Variants in TRIM6 observed in about 807,000 individuals in gnomAD.
The protein encoded by TRIM6 is tripartite motif-containing protein 6.
Under a neutral mutation model 51.2 loss-of-function variants are expected in TRIM6, and 43 were observed. That is an observed-to-expected ratio of 0.84 (90% confidence interval 0.66 to 1.08). The LOEUF (loss-of-function observed/expected upper bound fraction) is 1.08, where lower values mean the gene tolerates loss of function less well. TRIM6 is among the 50% of genes least tolerant of loss of function. The pLI is 0.00. For missense variants in TRIM6, 669 were observed against 619.0 expected (o/e 1.08, Z -0.86); for synonymous variants, 215 against 232.4 (o/e 0.93, Z 0.68).
chr11:5,607,754 A>G (rs1848312011), intron 4 of TRIM6, among the ~76,000 whole-genome samples: 1 of 152,196 alleles, frequency 6.6e-6, no homozygotes, highest in Non-Finnish European at 1.5e-5. Flanking sequence ...GTAGGATGGA[A>G]GGGAGACAAG....
chr11:5,610,122 C>G (rs768475730), intron 5 of TRIM6, 23 bp from the exon 6 acceptor site: 4 of 1,613,440 alleles, frequency 2.5e-6, no homozygotes, highest in East Asian at 2.2e-5. Context: ...AGTGTGGGAA[C>G]TCAGAAGTCC....
chr11:5,608,400 T>G lies in TRIM6; in HGVS notation c.857+6T>G. On this transcript the variant is annotated splice_donor_region_variant and intron_variant, in intron 5 of 7. Coordinates refer to ENST00000380097, the MANE Select transcript of TRIM6 (RefSeq NM_001003818.3). The stretch of plus-strand genomic sequence containing the variant: ...GTGAGTGATGTCACAGAAAGGTATG[T>G]GTAAGGAGAACATGAGGTAGTTCCC... The G allele has an allele frequency of 6.2e-7, 1 of 1,613,702 alleles. No individual in the cohort carries two copies. Among genetic ancestry groups the G allele is most frequent in the Non-Finnish European group, 8.5e-7 (1 of 1,179,770 alleles).
chr11:5,604,700 G>A, intron 3 of TRIM6, 71 bp downstream of exon 3: 3 of 1,512,862 alleles, frequency 2.0e-6, no homozygotes. Context: ...GAGGGCAAAG[G>A]AGTCCTTGTC....
At position 5,611,469 on chromosome 11, in the gene TRIM6, T is replaced by G; in HGVS notation, c.*127T>G. The stretch of plus-strand genomic sequence containing the variant: ...GTTGTTTTTTGGTTTTTGAATCTTT[T>G]TTGAGATGGAATCTCGCTCTGTCGC... On this transcript the variant is annotated 3_prime_UTR_variant, in exon 8 of 8. Coordinates refer to ENST00000380097, the MANE Select transcript of TRIM6 (RefSeq NM_001003818.3). 2 of 889,490 alleles carry G rather than the reference T, an allele frequency of 2.2e-6. No homozygotes were observed. Among genetic ancestry groups the G allele is most frequent in the Non-Finnish European group, 3.5e-6 (2 of 575,722 alleles). 55.1% of individuals were successfully genotyped at this position (889,490 alleles called of 1,614,324 possible).
At chr11:5,603,183 A>G in intron 1 of TRIM6, 63 bp from the exon 2 acceptor site, 1 of 1,559,434 alleles carries the variant, frequency 6.4e-7, no homozygotes, top group Non-Finnish European at 8.7e-7. Flanking sequence ...CTGGGCAGTC[A>G]GTATTCCCTT....
intron 1 of TRIM6, among the ~76,000 whole-genome samples, chr11:5,597,731 A>G (rs1847560849): frequency 6.6e-6 from 1 of 152,180 alleles, no homozygotes; most frequent in Non-Finnish European, 1.5e-5. Context: ...TTTTATTCTG[A>G]AAGCCATTTT....
rs934320330 is a variant in TRIM6 at position 5,611,875 on chromosome 11, A to G, written c.*533A>G. 1.3e-5 allele frequency: 2 copies of G among 152,764 alleles called. No individual in the cohort carries two copies. Among genetic ancestry groups the G allele is most frequent in the African/African-American group, 4.8e-5 (2 of 41,584 alleles). The allele number at this position is 152,764 out of a possible 1,614,324, so 9.5% of individuals were successfully genotyped here. On this transcript the variant is annotated 3_prime_UTR_variant, in exon 8 of 8. Coordinates refer to ENST00000380097, the MANE Select transcript of TRIM6 (RefSeq NM_001003818.3). ...CGCTTTCAGTATTTTGCCATTAAGCATAGTATTTGATGCAGGTTTTTTTTG... is the reference window on the plus strand; with the variant it reads ...CGCTTTCAGTATTTTGCCATTAAGCGTAGTATTTGATGCAGGTTTTTTTTG...
chr11:5,611,247 ACTTTCTCTAAATATTACTTTCCCACTACT>A lies in TRIM6; in HGVS notation c.1461_1489del (p.Phe487LeufsTer5). Reference sequence around the variant, plus strand: ...CACAAACCATGGCTTCCCCATCTACACTTTCTCTAAATATTACTTTCCCACTACTCTTTGTCCATATTTTAATCCTTGCA... The same window carrying A: ...CACAAACCATGGCTTCCCCATCTACACTTTGTCCATATTTTAATCCTTGCA... On this transcript the variant is annotated frameshift_variant, in exon 8 of 8. Coordinates refer to ENST00000380097, the MANE Select transcript of TRIM6 (RefSeq NM_001003818.3). LOFTEE classifies it high-confidence loss of function. 13 of 1,613,928 alleles carry A rather than the reference ACTTTCTCTAAATATTACTTTCCCACTACT, an allele frequency of 8.1e-6. No individual in the cohort carries two copies. Among genetic ancestry groups the A allele is most frequent in the Non-Finnish European group, 1.0e-5 (12 of 1,179,934 alleles).
At chr11:5,608,799 TAA>T (rs1224131680) in intron 5 of TRIM6, among the ~76,000 whole-genome samples, 1 of 151,800 alleles carries the variant, frequency 6.6e-6, no homozygotes, top group East Asian at 1.9e-4. Context: ...CCCTGATTCT[TAA>T]GTTTATAGTT....
At chr11:5,608,877 G>GT (rs1848392286) in intron 5 of TRIM6, among the ~76,000 whole-genome samples, 1 of 90,982 alleles carries the variant, frequency 1.1e-5, no homozygotes, top group African/African-American at 4.9e-5. Context: ...TTGAGACAGA[G>GT]TTTCACTCTG....
rs1405721251 is a variant in TRIM6, at chr11:5,611,228, C to T, written c.1437C>T (p.Asn479=). Residue 479 remains asparagine, a synonymous_variant, in exon 8 of 8, where the codon AAC becomes AAT. Coordinates refer to ENST00000380097, the MANE Select transcript of TRIM6 (RefSeq NM_001003818.3). The part of the protein sequence containing the change: ...AGTVSFYNVT[N]HGFPIYTFSK... Reference sequence around the variant, plus strand: ...CTGTCTCCTTTTATAATGTCACAAACCATGGCTTCCCCATCTACACTTTCT... The same window carrying T: ...CTGTCTCCTTTTATAATGTCACAAATCATGGCTTCCCCATCTACACTTTCT... 2 of 1,613,644 alleles carry T rather than the reference C, an allele frequency of 1.2e-6. No homozygotes were observed. Among genetic ancestry groups the T allele is most frequent in the African/African-American group, 2.7e-5 (2 of 74,758 alleles).
intron 1 of TRIM6, among the ~76,000 whole-genome samples, chr11:5,601,781 C>T (rs533426403): frequency 4.7e-4 from 72 of 152,092 alleles, no homozygotes; most frequent in African/African-American, 1.7e-3. Flanking sequence ...AAATTACCAC[C>T]CCTTATTGTG....
At chr11:5,609,216 C>A (rs1365036611) in intron 5 of TRIM6, among the ~76,000 whole-genome samples, 1 of 152,182 alleles carries the variant, frequency 6.6e-6, no homozygotes, top group African/African-American at 2.4e-5. Context: ...ATGCTCCTCA[C>A]AGACACACGA....
rs1848609865 is a variant in TRIM6, at chr11:5,612,357, A to AATC, written c.*1016_*1018dup. The AATC allele has an allele frequency of 6.6e-6, 1 of 152,220 alleles. No individual in the cohort carries two copies. The highest frequency in any genetic ancestry group is 2.4e-5 in the African/African-American group (1 of 41,456). 9.4% of individuals were successfully genotyped at this position (152,220 alleles called of 1,614,324 possible). A position where few individuals can be genotyped will look rare whatever the true frequency, so the allele number is the denominator to read the frequency against. On this transcript the variant is annotated 3_prime_UTR_variant, in exon 8 of 8. Coordinates refer to ENST00000380097, the MANE Select transcript of TRIM6 (RefSeq NM_001003818.3). ...TCAAATTGAAGAGAGTCTTCACTAC[A>AATC]ATCTTCACTACAACCTTTGGCCTTC...
Position 5,604,533 on chromosome 11 carries a change from G to A in TRIM6, c.508-1G>A. On this transcript the variant is annotated splice_acceptor_variant, in intron 2 of 7. Transcript: ENST00000380097. LOFTEE classifies it high-confidence loss of function. Reference sequence around the variant, plus strand: ...GCTTGACCTGATTTGTTTTCTTCAAGGAGAAGTTTCAGGAGTCTCTAAAGA... The same window carrying A: ...GCTTGACCTGATTTGTTTTCTTCAAAGAGAAGTTTCAGGAGTCTCTAAAGA... The A allele has an allele frequency of 6.2e-7, 1 of 1,609,238 alleles. No individual in the cohort carries two copies. Among genetic ancestry groups the A allele is most frequent in the South Asian group, 1.1e-5 (1 of 89,710 alleles).
rs1289530475 is a variant in TRIM6 at position 5,611,300 on chromosome 11, C to T, written c.1509C>T (p.Cys503=). 7.4e-6 allele frequency: 12 copies of T among 1,614,132 alleles called. No homozygotes were observed. Among genetic ancestry groups the T allele is most frequent in the Non-Finnish European group, 1.0e-5 (12 of 1,179,996 alleles). The change falls in exon 8 of 8, where the codon TGC becomes TGT. Residue 503 remains cysteine (C), a synonymous_variant. Coordinates refer to ENST00000380097, the MANE Select transcript of TRIM6 (RefSeq NM_001003818.3). ...CTCTTTGTCCATATTTTAATCCTTG[C>T]AACTGTGTAATTCCTATGACCCTGC... ...PTTLCPYFNP[C]NCVIPMTLRR...
In TRIM6 at chr11:5,611,150, CA is replaced by C. The variant is rs1848555156; in HGVS notation, c.1360del (p.Met454Ter). On this transcript the variant is annotated frameshift_variant, in exon 8 of 8. Coordinates refer to ENST00000380097, the MANE Select transcript of TRIM6 (RefSeq NM_001003818.3). LOFTEE classifies it high-confidence loss of function. ...EDSSPSLLLS[M>X]TVPPRRVGVF... The stretch of plus-strand genomic sequence containing the variant: ...ATTCTTCCCCTTCCCTGCTTCTCTC[CA>C]TGACAGTGCCCCCTCGCCGTGTTGG... 2 of 1,614,196 alleles carry C rather than the reference CA, an allele frequency of 1.2e-6. No individual in the cohort carries two copies. The highest frequency in any genetic ancestry group is 1.7e-6 in the Non-Finnish European group (2 of 1,180,034).
intron 4 of TRIM6, among the ~76,000 whole-genome samples, chr11:5,606,024 G>A (rs1848184845): frequency 6.6e-6 from 1 of 152,172 alleles, no homozygotes; most frequent in African/African-American, 2.4e-5. Flanking sequence ...TGCCACGATA[G>A]CCCCAGGGTG....
chr11:5,601,701 T>C (rs561983742), intron 1 of TRIM6, among the ~76,000 whole-genome samples: 18 of 152,232 alleles, frequency 1.2e-4, no homozygotes, highest in African/African-American at 3.4e-4. Context: ...GAGGTTGCAG[T>C]GAGCCGAGAT....
Sources: gnomAD v4.1 joint callset for allele counts (sites outside exome capture counted in the v4.1 genomes callset) on GRCh38, gnomAD v4.1.1 for gene constraint, MANE v1.5 for transcripts, NCBI Gene and HGNC (gene_info 2026-07-23, HGNC 2026-07-21) for gene names.